Variants in ROBO2 observed in about 807,000 individuals in gnomAD.
ROBO2 encodes the protein roundabout homolog 2.
In ROBO2, 53 loss-of-function variants were observed where a neutral mutation model predicts 160.8. The ratio of observed to expected loss-of-function variants is 0.33; its 90% CI spans 0.26 to 0.41. The LOEUF is 0.41. Among genes scored for constraint, ROBO2 ranks in the 10% least tolerant of loss-of-function variants. ROBO2 has a pLI of 1.00. For missense variants in ROBO2, 1,577 were observed against 1,722.4 expected, an observed-to-expected ratio of 0.92 and a Z score of 1.49; for synonymous variants, 664 against 611.7, an observed-to-expected ratio of 1.09 and a Z score of -1.26.
At chr3:77,553,927 G>A (rs2093017681) in intron 8 of ROBO2, among the ~76,000 whole-genome samples, 1 of 151,934 alleles carries the variant, frequency 6.6e-6, no homozygotes, top group Non-Finnish European at 1.5e-5. Flanking sequence ...ATTCATGAAA[G>A]TGGCTATACT....
At chr3:77,440,648 T>C (rs994233807) in intron 2 of ROBO2, among the ~76,000 whole-genome samples, 2 of 152,212 alleles carry the variant, frequency 1.3e-5, no homozygotes, top group Non-Finnish European at 2.9e-5. Context: ...TTTCATGTTC[T>C]TTTTGAACAA....
chr3:76,328,308 T>C (rs1004473389), intron 2 of ROBO2, among the ~76,000 whole-genome samples: 3 of 152,168 alleles, frequency 2.0e-5, no homozygotes, highest in Non-Finnish European at 2.9e-5. Context: ...CATTAACCAA[T>C]TGGAAGATAT....
chr3:77,593,637 A>G (rs1394273270), intron 17 of ROBO2, among the ~76,000 whole-genome samples: 1 of 152,206 alleles, frequency 6.6e-6, no homozygotes, highest in Non-Finnish European at 1.5e-5. Context: ...GTTTAGAGTC[A>G]TATTACCTGA....
chr3:77,345,199 G>A (rs115950199), intron 2 of ROBO2, among the ~76,000 whole-genome samples: 159 of 152,308 alleles, frequency 1.0e-3, no homozygotes, highest in African/African-American at 3.4e-3. Context: ...GAATTGACTA[G>A]TTGATGATGT....
At chr3:77,103,232 G>A (rs2072272276) in intron 2 of ROBO2, among the ~76,000 whole-genome samples, 1 of 147,120 alleles carries the variant, frequency 6.8e-6, no homozygotes, top group Non-Finnish European at 1.5e-5. Context: ...AGGGTAAGAG[G>A]GGGTTCTGGC....
chr3:76,954,114 G>A (rs1323267627), intron 2 of ROBO2, among the ~76,000 whole-genome samples: 1 of 152,106 alleles, frequency 6.6e-6, no homozygotes, highest in African/African-American at 2.4e-5. Context: ...AAATATTTAG[G>A]CAGCAGAATT....
At chr3:76,845,984 T>A (rs527919038) in intron 2 of ROBO2, among the ~76,000 whole-genome samples, 1 of 152,098 alleles carries the variant, frequency 6.6e-6, no homozygotes, top group Non-Finnish European at 1.5e-5. Flanking sequence ...ACATTACTTA[T>A]GTCACCTGAA....
intron 2 of ROBO2, among the ~76,000 whole-genome samples, chr3:76,568,331 T>C (rs1451848228): frequency 6.6e-6 from 1 of 152,152 alleles, no homozygotes; most frequent in African/African-American, 2.4e-5. Context: ...GGAGTCTCGC[T>C]CTGTCACCCA....
chr3:75,926,953 A>T (rs1052204059), intron 1 of ROBO2, among the ~76,000 whole-genome samples: 4 of 152,168 alleles, frequency 2.6e-5, no homozygotes, highest in African/African-American at 7.2e-5. Flanking sequence ...CTTTGACCAG[A>T]AAGGCATTTA....
At chr3:76,460,899 T>C (rs1427482060) in intron 2 of ROBO2, among the ~76,000 whole-genome samples, 1 of 152,194 alleles carries the variant, frequency 6.6e-6, no homozygotes, top group Non-Finnish European at 1.5e-5. Context: ...ATTAAGACTG[T>C]GATAGCTGTC....
intron 2 of ROBO2, among the ~76,000 whole-genome samples, chr3:76,513,291 CCCAGAATG>C (rs1374780414): frequency 6.6e-6 from 1 of 152,172 alleles, no homozygotes; most frequent in African/African-American, 2.4e-5. Flanking sequence ...CTTTGCCTTA[CCCAGAATG>C]CCAGGACAAA....
At chr3:76,851,459 G>A (rs1274957008) in intron 2 of ROBO2, among the ~76,000 whole-genome samples, 1 of 152,056 alleles carries the variant, frequency 6.6e-6, no homozygotes, top group African/African-American at 2.4e-5. Flanking sequence ...CATGTGGCCG[G>A]GCGCGGTGGC....
chr3:76,348,894 A>C (rs974211777), intron 2 of ROBO2, among the ~76,000 whole-genome samples: 2 of 152,152 alleles, frequency 1.3e-5, no homozygotes, highest in African/African-American at 4.8e-5. Context: ...GAGGCTGGTG[A>C]AATGCCATCA....
At chr3:77,562,862 A>AT in intron 10 of ROBO2, 130 bp downstream of exon 11, 1 of 754,144 alleles carries the variant, frequency 1.3e-6, no homozygotes, top group Admixed American at 2.0e-5. Flanking sequence ...ATTCAATGCC[A>AT]TTTTTTAATT....
At chr3:76,288,067 G>A (rs200711362) in intron 2 of ROBO2, among the ~76,000 whole-genome samples, 1 of 106,330 alleles carries the variant, frequency 9.4e-6, no homozygotes, top group Non-Finnish European at 1.7e-5. Context: ...TTTTTTCTAA[G>A]TATAAAAAAG....
intron 16 of ROBO2, among the ~76,000 whole-genome samples, chr3:77,580,824 C>A (rs778788769): frequency 6.6e-6 from 1 of 152,066 alleles, no homozygotes; most frequent in South Asian, 2.1e-4. Context: ...ATGAATATTA[C>A]TGTGTAAATG....
At chr3:76,212,899 T>C (rs183058433) in intron 2 of ROBO2, among the ~76,000 whole-genome samples, 62 of 19,554 alleles carry the variant, frequency 3.2e-3, no homozygotes, top group African/African-American at 6.6e-3. Context: ...CTTCCTTATA[T>C]CATGGTGTTC....
At chr3:76,893,053 G>A (rs553125226) in intron 2 of ROBO2, among the ~76,000 whole-genome samples, 1 of 152,042 alleles carries the variant, frequency 6.6e-6, no homozygotes, top group Admixed American at 6.5e-5. Context: ...TCCTCCAATT[G>A]GAACCCTGGA....
intron 2 of ROBO2, among the ~76,000 whole-genome samples, chr3:77,293,730 T>C (rs2061623444): frequency 1.4e-5 from 2 of 138,078 alleles, no homozygotes; most frequent in African/African-American, 6.0e-5. Context: ...AAATTGATGG[T>C]TAAACGGGTA....
Sources: gnomAD v4.1 joint callset for allele counts (sites outside exome capture counted in the v4.1 genomes callset) on GRCh38, gnomAD v4.1.1 for gene constraint, MANE v1.5 for transcripts, NCBI Gene and HGNC (gene_info 2026-07-23, HGNC 2026-07-21) for gene names.